Variants in RTN4IP1 observed in about 807,000 individuals in gnomAD.
RTN4IP1 encodes the protein NAD(P)H oxidoreductase RTN4IP1, mitochondrial.
A neutral mutation model predicts 46.6 loss-of-function variants in RTN4IP1; 32 were observed. That is an observed-to-expected ratio of 0.69 (90% CI 0.52 to 0.92). The LOEUF (loss-of-function observed/expected upper bound fraction) is 0.92. RTN4IP1 is among the 40% of genes least tolerant of loss of function. The probability of loss-of-function intolerance (pLI) is 0.00; values close to 1 mark genes in which losing one functional copy is unlikely to be tolerated. For missense variants in RTN4IP1, 424 were observed against 485.8 expected (o/e 0.87, Z 1.20); for synonymous variants, 167 against 161.8 (o/e 1.03, Z -0.24).
chr6:106,605,914 C>T (rs184857485), intron 4 of RTN4IP1, among the ~76,000 whole-genome samples: 40 of 150,536 alleles, frequency 2.7e-4, no homozygotes, highest in African/African-American at 9.8e-4. Flanking sequence ...TCAAACAACA[C>T]AATAGATACA....
At chr6:106,615,400 C>T (rs747457623) in intron 4 of RTN4IP1, among the ~76,000 whole-genome samples, 5 of 151,346 alleles carry the variant, frequency 3.3e-5, no homozygotes, top group Middle Eastern at 3.2e-3. Context: ...TGCCATAAAA[C>T]CTAATATCAA....
chr6:106,592,380 G>T, intron 5 of RTN4IP1, 80 bp from the exon 6 acceptor site: 1 of 1,434,926 alleles, frequency 7.0e-7, no homozygotes, highest in Non-Finnish European at 9.5e-7. Context: ...AAAATCATTG[G>T]CACCATGTAT....
intron 5 of RTN4IP1, among the ~76,000 whole-genome samples, chr6:106,598,751 T>G (rs1313143438): frequency 6.6e-6 from 1 of 151,442 alleles, no homozygotes. Flanking sequence ...TTTTGGTGTT[T>G]TGGACATGAA....
At chr6:106,584,062 C>T (rs1054024820) in intron 7 of RTN4IP1, among the ~76,000 whole-genome samples, 2 of 152,136 alleles carry the variant, frequency 1.3e-5, no homozygotes, top group Non-Finnish European at 2.9e-5. Context: ...AAATCTTACA[C>T]CAAGAGGGTT....
intron 7 of RTN4IP1, among the ~76,000 whole-genome samples, chr6:106,585,414 A>G (rs767003468): frequency 1.4e-4 from 20 of 146,338 alleles, no homozygotes; most frequent in Non-Finnish European, 2.8e-4. Context: ...TGACAATCAC[A>G]GAAGATCTGT....
At chr6:106,599,005 T>C (rs892121699) in intron 5 of RTN4IP1, among the ~76,000 whole-genome samples, 2 of 151,942 alleles carry the variant, frequency 1.3e-5, no homozygotes, top group Non-Finnish European at 2.9e-5. Flanking sequence ...TTTTACTTTT[T>C]TCCTGATTTT....
rs1170830639 is a variant in RTN4IP1, at chr6:106,622,849, A to G, written c.395T>C (p.Leu132Pro). The change falls in exon 2 of 9, where the codon CTT (leucine) becomes CCT (proline). Residue 132 changes from leucine (L) to proline (P), a missense_variant. Transcript: ENST00000369063. ...DVSGVVMECG[L>P]DVKYFKPGDE... ...TCCAGGCTTGAAGTATTTCACATCA[A>G]GCCCACATTCCATCACCACGCCAGA... 1.2e-6 allele frequency: 2 copies of G among 1,613,746 alleles called. No homozygotes were observed. Among genetic ancestry groups the G allele is most frequent in the South Asian group, 1.1e-5 (1 of 91,036 alleles).
intron 5 of RTN4IP1, among the ~76,000 whole-genome samples, chr6:106,592,807 T>C (rs2114642709): frequency 6.6e-6 from 1 of 152,134 alleles, no homozygotes; most frequent in Non-Finnish European, 1.5e-5. Flanking sequence ...CGGGCACCTG[T>C]AATCCCAGCT....
chr6:106,592,360 C>A (rs1001887123), intron 5 of RTN4IP1, 60 bp from the exon 6 acceptor site: 1 of 1,538,000 alleles, frequency 6.5e-7, no homozygotes, highest in Non-Finnish European at 8.8e-7. Context: ...AAACTGACTG[C>A]ATTGAAAAAA....
In RTN4IP1 at chr6:106,587,831, A is replaced by G. The variant is rs1221113470; in HGVS notation, c.838T>C (p.Ser280Pro). Residue 280 changes from serine to proline, a missense_variant, in exon 7 of 9, where the codon TCC becomes CCC. Ser to Pro is a moderately conservative substitution (Grantham distance 74, BLOSUM62 -1). Transcript: ENST00000369063. ...AAATCTGGAGCCCATGTTTCAGTGG[A>G]TCCGCCAACATTATCAAGGATAAAA... ...FDFILDNVGG[S>P]TETWAPDFLK... The G allele has an allele frequency of 6.2e-7, 1 of 1,613,200 alleles. No homozygotes were observed. Among genetic ancestry groups the G allele is most frequent in the Admixed American group, 1.7e-5 (1 of 59,858 alleles).
At chr6:106,612,284 G>A (rs1043084386) in intron 4 of RTN4IP1, among the ~76,000 whole-genome samples, 19 of 151,220 alleles carry the variant, frequency 1.3e-4, no homozygotes, top group African/African-American at 4.4e-4. Flanking sequence ...CTACTCGGGA[G>A]GCTGATGCAG....
rs777849562 is a variant in RTN4IP1, at chr6:106,587,772, A to G, written c.897T>C (p.Thr299=). ...LKKWSGATYV[T]LVTPFLLNMD... is the part of the protein sequence containing the mutation. ...TGTTCAGGAGGAAAGGAGTCACCAA[A>G]GTCACATAGGTGGCTCCTGACCATT... Residue 299 remains threonine (T), a synonymous_variant, in exon 7 of 9, where the codon ACT becomes ACC. Coordinates refer to ENST00000369063, the MANE Select transcript of RTN4IP1 (RefSeq NM_032730.5). 37 of 1,613,900 alleles carry G rather than the reference A, an allele frequency of 2.3e-5. No homozygotes were observed. The Admixed American group carries it at 6.2e-4, about 27-fold the overall frequency.
chr6:106,577,636 T>C (rs972804775), intron 8 of RTN4IP1, among the ~76,000 whole-genome samples: 1 of 152,018 alleles, frequency 6.6e-6, no homozygotes, highest in African/African-American at 2.4e-5. Flanking sequence ...AATGTGTGAA[T>C]ATGGCACCTT....
intron 1 of RTN4IP1, among the ~76,000 whole-genome samples, chr6:106,624,602 C>T (rs1308447703): frequency 2.0e-5 from 3 of 151,376 alleles, no homozygotes; most frequent in African/African-American, 4.8e-5. Context: ...TCCCAAAGTG[C>T]TGGGATTACA....
intron 6 of RTN4IP1, among the ~76,000 whole-genome samples, chr6:106,591,924 T>C (rs1454120691): frequency 6.6e-6 from 1 of 152,166 alleles, no homozygotes; most frequent in African/African-American, 2.4e-5. Flanking sequence ...ACTTAAAAAT[T>C]AGCAAAGACC....
chr6:106,582,776 T>C (rs1295243493), intron 8 of RTN4IP1, among the ~76,000 whole-genome samples: 1 of 152,026 alleles, frequency 6.6e-6, no homozygotes, highest in East Asian at 1.9e-4. Flanking sequence ...CAAAAAACGA[T>C]GACCAGATGA....
chr6:106,579,714 T>G lies in RTN4IP1; in HGVS notation c.1083+3614A>C, dbSNP rs568331162. 3.1e-3 allele frequency among the ~76,000 whole-genome samples: 469 copies of G among 152,146 alleles called. 5 individuals carry two copies. Among genetic ancestry groups the G allele is most frequent in the African/African-American group, 0.011 (450 of 41,540 alleles). ...TATTAACTCGGTGGCTTCTCCATTTTTACTGGGGCATGCAGGGCTAACAAG... is the reference window on the plus strand; with the variant it reads ...TATTAACTCGGTGGCTTCTCCATTTGTACTGGGGCATGCAGGGCTAACAAG... On this transcript the variant is annotated intron_variant, in intron 8 of 8. Coordinates refer to ENST00000369063, the MANE Select transcript of RTN4IP1 (RefSeq NM_032730.5).
intron 4 of RTN4IP1, among the ~76,000 whole-genome samples, chr6:106,609,524 G>A (rs1776171165): frequency 6.6e-6 from 1 of 152,156 alleles, no homozygotes; most frequent in Non-Finnish European, 1.5e-5. Context: ...GTGAGACCTT[G>A]TCTCTAAAAA....
chr6:106,571,924 G>C lies in RTN4IP1; in HGVS notation c.*72C>G. On this transcript the variant is annotated 3_prime_UTR_variant, in exon 9 of 9. Transcript: ENST00000369063. ...TCTGGAAAAATGTTTGAAAGGGATG[G>C]CTAGAAAAAAATTTGGGCTCACAGG... 1.0e-6 allele frequency: 1 copy of C among 967,196 alleles called. No homozygotes were observed. Among genetic ancestry groups the C allele is most frequent in the Non-Finnish European group, 1.6e-6 (1 of 607,156 alleles). 59.9% of individuals were successfully genotyped at this position (967,196 alleles called of 1,614,324 possible).
Sources: gnomAD v4.1 joint callset for allele counts (sites outside exome capture counted in the v4.1 genomes callset) on GRCh38, gnomAD v4.1.1 for gene constraint, MANE v1.5 for transcripts, NCBI Gene and HGNC (gene_info 2026-07-23, HGNC 2026-07-21) for gene names.